The following CA10 variants were observed in gnomAD, a reference collection of about 807,000 sequenced individuals.
CA10 encodes the protein carbonic anhydrase-related protein 10.
A neutral mutation model predicts 44.2 loss-of-function variants in CA10; 14 were observed. The observed-to-expected ratio is 0.32, with a 90% CI of 0.21 to 0.50. The LOEUF is 0.50. Ranked by LOEUF, CA10 falls within the 20% of genes least tolerant of loss-of-function variation. The pLI is 0.99. For synonymous variants in CA10, 159 were observed against 141.6 expected (o/e 1.12, Z -0.87); for missense variants, 350 against 409.7 (o/e 0.85, Z 1.26).
chr17:52,008,719 T>C (rs1036319548), intron 2 of CA10, among the ~76,000 whole-genome samples: 4 of 151,882 alleles, frequency 2.6e-5, no homozygotes, highest in Non-Finnish European at 4.4e-5. Context: ...TAAAGTTCTT[T>C]GAACTTGCTC....
intron 1 of CA10, among the ~76,000 whole-genome samples, chr17:52,136,516 C>T (rs759171877): frequency 1.2e-4 from 19 of 152,112 alleles, no homozygotes; most frequent in Non-Finnish European, 2.2e-4. Context: ...CCTAGCTTCA[C>T]GGTCAAGGAA....
intron 3 of CA10, among the ~76,000 whole-genome samples, chr17:51,826,733 G>A (rs1156782836): frequency 6.6e-6 from 1 of 152,156 alleles, no homozygotes; most frequent in Admixed American, 6.5e-5. Context: ...GCAGGAGACT[G>A]GAGTGAGGAA....
chr17:51,898,343 TAAATAACATTTATTGATTTGCCTATGTTG>T (rs1423870070), intron 3 of CA10, among the ~76,000 whole-genome samples: 1 of 152,196 alleles, frequency 6.6e-6, no homozygotes, highest in Non-Finnish European at 1.5e-5. Flanking sequence ...GCTTATGTGA[TAAATAACATTTATTGATTTGCCTATGTTG>T]AACCAAACTT....
At chr17:51,914,422 A>T (rs1427692385) in intron 3 of CA10, among the ~76,000 whole-genome samples, 1 of 152,180 alleles carries the variant, frequency 6.6e-6, no homozygotes, top group African/African-American at 2.4e-5. Context: ...TGGAACGTGT[A>T]AAAAAATTAA....
At chr17:51,714,131 G>A (rs1281192167) in intron 4 of CA10, among the ~76,000 whole-genome samples, 1 of 152,126 alleles carries the variant, frequency 6.6e-6, no homozygotes, top group Non-Finnish European at 1.5e-5. Flanking sequence ...ACTGACACCA[G>A]TTCCTGAGGC....
intron 1 of CA10, among the ~76,000 whole-genome samples, chr17:52,112,997 A>G (rs957838083): frequency 2.0e-5 from 3 of 152,194 alleles, no homozygotes; most frequent in Admixed American, 1.3e-4. Context: ...TCAAGCAGAG[A>G]TTTCAAACCT....
chr17:51,768,708 A>T (rs2143651841), intron 3 of CA10, among the ~76,000 whole-genome samples: 1 of 152,280 alleles, frequency 6.6e-6, no homozygotes, highest in African/African-American at 2.4e-5. Context: ...TTTATAGAAA[A>T]CTTTGCTTAT....
chr17:52,105,635 T>G (rs1287156030), intron 1 of CA10, among the ~76,000 whole-genome samples: 1 of 152,198 alleles, frequency 6.6e-6, no homozygotes, highest in Non-Finnish European at 1.5e-5. Flanking sequence ...AACAGTACCT[T>G]CCACAGAAGT....
intron 4 of CA10, among the ~76,000 whole-genome samples, chr17:51,738,244 T>C (rs1488097273): frequency 6.6e-6 from 1 of 152,252 alleles, no homozygotes; most frequent in East Asian, 1.9e-4. Context: ...AGTTTATCGA[T>C]ATGTCAGTGC....
At chr17:51,641,747 C>A (rs902419004) in intron 6 of CA10, among the ~76,000 whole-genome samples, 1 of 151,334 alleles carries the variant, frequency 6.6e-6, no homozygotes, top group Non-Finnish European at 1.5e-5. Flanking sequence ...TGCCTAGGAC[C>A]ACTTGGGGGA....
intron 4 of CA10, among the ~76,000 whole-genome samples, chr17:51,660,742 G>C (rs749352090): frequency 2.0e-5 from 3 of 152,138 alleles, no homozygotes; most frequent in Non-Finnish European, 4.4e-5. Flanking sequence ...CCTTACCCCT[G>C]CTTAAACACC....
intron 3 of CA10, among the ~76,000 whole-genome samples, chr17:51,755,308 AAAG>A (rs1905044542): frequency 6.6e-6 from 1 of 152,214 alleles, no homozygotes; most frequent in South Asian, 2.1e-4. Context: ...ATCTTTTTAT[AAAG>A]ACCAATTCAC....
chr17:52,074,916 AATTAT>A (rs1987778936), intron 1 of CA10, among the ~76,000 whole-genome samples: 1 of 152,146 alleles, frequency 6.6e-6, no homozygotes, highest in African/African-American at 2.4e-5. Context: ...GACATGTTAA[AATTAT>A]ATTACATTCA....
At chr17:51,657,058 T>A (rs575872969) in intron 4 of CA10, among the ~76,000 whole-genome samples, 1 of 151,750 alleles carries the variant, frequency 6.6e-6, no homozygotes, top group African/African-American at 2.4e-5. Flanking sequence ...GAGGTGGAGG[T>A]TGGGGGGTAT....
intron 1 of CA10, among the ~76,000 whole-genome samples, chr17:52,144,546 A>C (rs1989544115): frequency 6.6e-6 from 1 of 152,248 alleles, no homozygotes; most frequent in Non-Finnish European, 1.5e-5. Flanking sequence ...GGCAAGACCC[A>C]GTAAACTGTC....
intron 2 of CA10, among the ~76,000 whole-genome samples, chr17:52,051,584 A>T (rs1331933951): frequency 6.6e-6 from 1 of 152,132 alleles, no homozygotes; most frequent in Non-Finnish European, 1.5e-5. Context: ...CAAAACCACA[A>T]TGATACCATC....
chr17:52,012,902 G>A (rs139284490), intron 2 of CA10, among the ~76,000 whole-genome samples: 241 of 152,038 alleles, frequency 1.6e-3, no homozygotes, highest in African/African-American at 5.5e-3. Flanking sequence ...CCCTGAGAGG[G>A]CTTCCTCTGC....
intron 3 of CA10, among the ~76,000 whole-genome samples, chr17:51,877,147 T>G (rs536999677): frequency 6.6e-6 from 1 of 152,314 alleles, no homozygotes; most frequent in African/African-American, 2.4e-5. Flanking sequence ...CTGCTCCATC[T>G]TCCCTCCCCC....
At chr17:51,942,996 T>C (rs1012967527) in intron 2 of CA10, among the ~76,000 whole-genome samples, 1 of 152,124 alleles carries the variant, frequency 6.6e-6, no homozygotes, top group Non-Finnish European at 1.5e-5. Flanking sequence ...CATACCATTT[T>C]CTCTCCCGTC....
Sources: allele counts gnomAD v4.1 joint callset (sites outside exome capture counted in the v4.1 genomes callset), GRCh38; gene constraint gnomAD v4.1.1; transcripts MANE v1.5; gene names NCBI Gene and HGNC (gene_info 2026-07-23, HGNC 2026-07-21).